Variants in CEP112 observed in about 807,000 individuals in gnomAD.
CEP112 encodes the protein centrosomal protein 112.
In CEP112, 127 loss-of-function variants were observed where a neutral mutation model predicts 153.0. The observed-to-expected ratio is 0.83, with a 90% CI of 0.72 to 0.96. The LOEUF (loss-of-function observed/expected upper bound fraction) is 0.96. Ranked by LOEUF, CEP112 falls within the 40% of genes least tolerant of loss-of-function variation. The probability of loss-of-function intolerance (pLI) is 0.00; values close to 1 mark genes in which losing one functional copy is unlikely to be tolerated. For synonymous variants in CEP112, 358 were observed against 374.4 expected (o/e 0.96, Z 0.51); for missense variants, 1,089 against 1,101.2 (o/e 0.99, Z 0.16).
At chr17:65,760,859 T>C (rs2052571140) in intron 21 of CEP112, among the ~76,000 whole-genome samples, 1 of 152,132 alleles carries the variant, frequency 6.6e-6, no homozygotes, top group African/African-American at 2.4e-5. Context: ...GAATTTACCA[T>C]TGAATCCATG....
intron 20 of CEP112, among the ~76,000 whole-genome samples, chr17:65,854,904 CAGAT>C (rs953009332): frequency 2.0e-5 from 3 of 152,040 alleles, no homozygotes; most frequent in African/African-American, 7.2e-5. Context: ...CTTCTAAAAA[CAGAT>C]AGACTTTAGC....
chr17:65,636,953 G>T, intron 26 of CEP112, 171 bp downstream of exon 26: 1 of 607,626 alleles, frequency 1.6e-6, no homozygotes. Context: ...TAAGCACTGG[G>T]ATGAGAAGGG....
At chr17:65,756,217 A>T (rs2052253987) in intron 21 of CEP112, among the ~76,000 whole-genome samples, 1 of 152,074 alleles carries the variant, frequency 6.6e-6, no homozygotes, top group South Asian at 2.1e-4. Context: ...CAGCCTGACC[A>T]ACATGGTGAA....
chr17:65,936,108 G>A (rs1450555068), intron 18 of CEP112, among the ~76,000 whole-genome samples: 2 of 152,072 alleles, frequency 1.3e-5, no homozygotes, highest in Admixed American at 6.5e-5. Context: ...GGAGAATTAC[G>A]AACCACTATA....
intron 4 of CEP112, among the ~76,000 whole-genome samples, chr17:66,169,741 T>C (rs2072164663): frequency 6.6e-6 from 1 of 152,218 alleles, no homozygotes; most frequent in Non-Finnish European, 1.5e-5. Flanking sequence ...TATAAACATG[T>C]ATTATATATA....
At chr17:65,762,596 T>C (rs982780564) in intron 21 of CEP112, among the ~76,000 whole-genome samples, 5 of 152,002 alleles carry the variant, frequency 3.3e-5, no homozygotes, top group Admixed American at 1.3e-4. Flanking sequence ...TTTTAAAACA[T>C]ATTTTTTACT....
chr17:66,147,747 A>C (rs1467642697), intron 4 of CEP112, among the ~76,000 whole-genome samples: 1 of 152,088 alleles, frequency 6.6e-6, no homozygotes, highest in Non-Finnish European at 1.5e-5. Context: ...TTTTCCCAAC[A>C]CCATTTGTGG....
intron 20 of CEP112, among the ~76,000 whole-genome samples, chr17:65,898,925 T>A (rs964238919): frequency 2.0e-5 from 3 of 152,028 alleles, no homozygotes; most frequent in Non-Finnish European, 4.4e-5. Flanking sequence ...TCAAGCAATC[T>A]CTAAATGGTT....
intron 20 of CEP112, among the ~76,000 whole-genome samples, chr17:65,884,617 CT>C (rs1172161872): frequency 6.6e-6 from 1 of 151,426 alleles, no homozygotes; most frequent in Non-Finnish European, 1.5e-5. Flanking sequence ...ATCTATAGGA[CT>C]TTTCCCAACA....
chr17:65,788,747 T>C (rs1267029763), intron 21 of CEP112, among the ~76,000 whole-genome samples: 1 of 152,154 alleles, frequency 6.6e-6, no homozygotes, highest in Non-Finnish European at 1.5e-5. Context: ...CTTTCCCTAT[T>C]TGTGTCTTCT....
At chr17:66,121,106 C>T (rs2069561822) in intron 6 of CEP112, among the ~76,000 whole-genome samples, 1 of 151,978 alleles carries the variant, frequency 6.6e-6, no homozygotes, top group Admixed American at 6.5e-5. Context: ...TGGAGAAACC[C>T]CGTCTCTACT....
chr17:65,752,639 C>T (rs1372794698), intron 21 of CEP112, among the ~76,000 whole-genome samples: 3 of 152,190 alleles, frequency 2.0e-5, no homozygotes, highest in Non-Finnish European at 4.4e-5. Flanking sequence ...GACTTTCAAC[C>T]AATCTTCCAG....
In CEP112 at chr17:65,930,827, G is replaced by A. The variant is rs549849512; in HGVS notation, c.1873-3138C>T. Among the ~76,000 whole-genome samples, 35 of 151,368 alleles carry A rather than the reference G, an allele frequency of 2.3e-4. 1 individual carries two copies. In the South Asian group the frequency reaches 7.4e-3, roughly 32 times the overall value. The stretch of plus-strand genomic sequence containing the variant: ...GCTGTTCTTGACTCTAGGGCCTTTT[G>A]CCCATCATACTATCAGTAGGTCTTT... On this transcript the variant is annotated intron_variant, in intron 18 of 26. Coordinates refer to ENST00000535342, the MANE Select transcript of CEP112 (RefSeq NM_001199165.4).
intron 23 of CEP112, among the ~76,000 whole-genome samples, chr17:65,729,985 C>G (rs1254456455): frequency 6.6e-6 from 1 of 152,214 alleles, no homozygotes; most frequent in Non-Finnish European, 1.5e-5. Context: ...CACCTAGTGA[C>G]TTCCAAAGAG....
At chr17:66,158,500 T>TGAG (rs2071544419) in intron 4 of CEP112, among the ~76,000 whole-genome samples, 1 of 151,762 alleles carries the variant, frequency 6.6e-6, no homozygotes, top group Non-Finnish European at 1.5e-5. Flanking sequence ...TAGTCCCAGC[T>TGAG]ACACAGGAGG....
chr17:66,059,296 G>A (rs2066829277), intron 11 of CEP112, among the ~76,000 whole-genome samples: 1 of 152,030 alleles, frequency 6.6e-6, no homozygotes, highest in Non-Finnish European at 1.5e-5. Flanking sequence ...ATAAAAAATG[G>A]ACAAGTGGGA....
intron 12 of CEP112, among the ~76,000 whole-genome samples, chr17:66,050,285 T>G (rs548807314): frequency 9.1e-4 from 139 of 152,318 alleles, no homozygotes; most frequent in African/African-American, 3.2e-3. Flanking sequence ...TAATTTTTTG[T>G]TGTTTTTTCT....
At chr17:65,700,968 A>C (rs1248353784) in intron 23 of CEP112, among the ~76,000 whole-genome samples, 2 of 152,222 alleles carry the variant, frequency 1.3e-5, no homozygotes, top group Non-Finnish European at 2.9e-5. Flanking sequence ...TAGGACATTA[A>C]ATTTTCGGTC....
chr17:65,886,858 GA>G (rs940448280), intron 20 of CEP112, among the ~76,000 whole-genome samples: 1 of 151,922 alleles, frequency 6.6e-6, no homozygotes, highest in Non-Finnish European at 1.5e-5. Context: ...TTGCTTAGGG[GA>G]AAAAAATGCA....
Sources: allele counts gnomAD v4.1 joint callset (sites outside exome capture counted in the v4.1 genomes callset), GRCh38; gene constraint gnomAD v4.1.1; transcripts MANE v1.5; gene names NCBI Gene and HGNC (gene_info 2026-07-23, HGNC 2026-07-21).